The following JARID2 variants were observed in gnomAD, a reference collection of about 807,000 sequenced individuals.
JARID2 encodes the protein protein Jumonji.
Under a neutral mutation model 125.6 loss-of-function variants are expected in JARID2, and 21 were observed. That is an observed-to-expected ratio of 0.17 (90% confidence interval 0.12 to 0.24). The LOEUF is 0.24. JARID2 is among the 10% of genes least tolerant of loss of function. The probability of loss-of-function intolerance (pLI) is 1.00; values close to 1 mark genes in which losing one functional copy is unlikely to be tolerated. For synonymous variants in JARID2, 736 were observed against 661.6 expected, an observed-to-expected ratio of 1.11 and a Z score of -1.73; for missense variants, 1,303 against 1,639.6, an observed-to-expected ratio of 0.79 and a Z score of 3.55.
At chr6:15,410,465 C>G (rs1765830355) in intron 3 of JARID2, 100 bp downstream of exon 3, 4 of 1,195,664 alleles carry the variant, frequency 3.3e-6, no homozygotes, top group Non-Finnish European at 4.8e-6. Context: ...TTCACCCAAT[C>G]TCTTGATTTT....
chr6:15,408,738 G>C (rs934317565), intron 2 of JARID2, among the ~76,000 whole-genome samples: 13 of 151,854 alleles, frequency 8.6e-5, no homozygotes, highest in Admixed American at 2.6e-4. Flanking sequence ...ATCCACACTG[G>C]GCATATTTCA....
At chr6:15,320,994 GGGAT>G (rs762562187) in intron 1 of JARID2, among the ~76,000 whole-genome samples, 29 of 152,002 alleles carry the variant, frequency 1.9e-4, no homozygotes, top group Non-Finnish European at 3.8e-4. Flanking sequence ...TTCAAATTTG[GGGAT>G]GGGAGGCGGT....
intron 1 of JARID2, among the ~76,000 whole-genome samples, chr6:15,330,682 T>A (rs144146464): frequency 6.6e-6 from 1 of 152,350 alleles, no homozygotes; most frequent in Non-Finnish European, 1.5e-5. Flanking sequence ...CTTCACAGAA[T>A]GAGTAATGGA....
intron 1 of JARID2, among the ~76,000 whole-genome samples, chr6:15,360,554 C>A (rs1763757605): frequency 6.6e-6 from 1 of 152,116 alleles, no homozygotes. Flanking sequence ...TCAATCATAG[C>A]TCACTGTAAC....
chr6:15,426,933 G>C (rs1766754868), intron 3 of JARID2, among the ~76,000 whole-genome samples: 1 of 152,152 alleles, frequency 6.6e-6, no homozygotes, highest in Non-Finnish European at 1.5e-5. Context: ...GAGTAATGGG[G>C]GGTACATCAG....
At chr6:15,489,599 A>G (rs1391157669) in intron 6 of JARID2, among the ~76,000 whole-genome samples, 8 of 152,262 alleles carry the variant, frequency 5.3e-5, no homozygotes, top group Admixed American at 1.3e-4. Context: ...GAGGAGGAAC[A>G]GAAAGTACTG....
At chr6:15,361,197 T>G (rs1389841897) in intron 1 of JARID2, among the ~76,000 whole-genome samples, 1 of 152,204 alleles carries the variant, frequency 6.6e-6, no homozygotes, top group East Asian at 1.9e-4. Context: ...TGGCCCAGTG[T>G]TGTAAATGTT....
At chr6:15,336,130 T>C (rs1762871761) in intron 1 of JARID2, among the ~76,000 whole-genome samples, 2 of 151,386 alleles carry the variant, frequency 1.3e-5, no homozygotes, top group African/African-American at 4.9e-5. Context: ...AATAAATAAA[T>C]AAAGGCATGG....
At chr6:15,372,188 C>T (rs1353246271) in intron 1 of JARID2, among the ~76,000 whole-genome samples, 3 of 152,122 alleles carry the variant, frequency 2.0e-5, no homozygotes, top group East Asian at 1.9e-4. Flanking sequence ...CATTGAGTCC[C>T]ATGGAAGTTT....
At chr6:15,472,747 TCCA>T (rs1769137438) in intron 5 of JARID2, among the ~76,000 whole-genome samples, 1 of 152,152 alleles carries the variant, frequency 6.6e-6, no homozygotes, top group Non-Finnish European at 1.5e-5. Context: ...CATTCTGTTG[TCCA>T]GAGTCACCAG....
chr6:15,379,738 C>T (rs894054639), intron 2 of JARID2, among the ~76,000 whole-genome samples: 1 of 152,124 alleles, frequency 6.6e-6, no homozygotes, highest in African/African-American at 2.4e-5. Flanking sequence ...ATTTAATCTT[C>T]AGAACAAGCA....
chr6:15,394,703 C>G (rs773716696), intron 2 of JARID2, among the ~76,000 whole-genome samples: 1 of 152,118 alleles, frequency 6.6e-6, no homozygotes, highest in Non-Finnish European at 1.5e-5. Flanking sequence ...GGAATAACAC[C>G]TGTCAAATGG....
chr6:15,357,100 G>A (rs1260873009), intron 1 of JARID2, among the ~76,000 whole-genome samples: 1 of 152,208 alleles, frequency 6.6e-6, no homozygotes. Flanking sequence ...TCAGTGCAGA[G>A]TGAAAGACCA....
At chr6:15,509,054 G>A (rs1158295490) in intron 12 of JARID2, 6 of 1,289,202 alleles carry the variant, frequency 4.7e-6, no homozygotes, top group Admixed American at 4.6e-5. Flanking sequence ...GTGGAGACAC[G>A]CGCGTTATGT....
At chr6:15,413,613 T>G (rs919817353) in intron 3 of JARID2, among the ~76,000 whole-genome samples, 1 of 152,134 alleles carries the variant, frequency 6.6e-6, no homozygotes, top group Non-Finnish European at 1.5e-5. Flanking sequence ...TTTTTTAAGT[T>G]TAGTTTTTAA....
At chr6:15,410,506 A>G in intron 3 of JARID2, 141 bp downstream of exon 3, 2 of 779,076 alleles carry the variant, frequency 2.6e-6, no homozygotes, top group Non-Finnish European at 4.1e-6. Flanking sequence ...GAGGTTTCGT[A>G]TCAAATGCCC....
rs984790658 is a variant in JARID2, at chr6:15,288,664, T to A, written c.45+42080T>A. 3.9e-5 allele frequency among the ~76,000 whole-genome samples: 6 copies of A among 152,378 alleles called. No homozygotes were observed. The East Asian group carries it at 1.2e-3, about 29-fold the overall frequency. Reference sequence around the variant, plus strand: ...TCACACATAGTAAGTGGCCAGTATGTTTCACATGTATTATATCAGTGTGTA... The same window carrying A: ...TCACACATAGTAAGTGGCCAGTATGATTCACATGTATTATATCAGTGTGTA... On this transcript the variant is annotated intron_variant, in intron 1 of 17. Coordinates refer to ENST00000341776, the MANE Select transcript of JARID2 (RefSeq NM_004973.4).
intron 2 of JARID2, among the ~76,000 whole-genome samples, chr6:15,387,315 A>G (rs1204610983): frequency 6.6e-6 from 1 of 152,176 alleles, no homozygotes; most frequent in Non-Finnish European, 1.5e-5. Context: ...TAGTCAGCTC[A>G]GGCTGCCATA....
At chr6:15,283,817 T>C (rs1760885288) in intron 1 of JARID2, among the ~76,000 whole-genome samples, 1 of 151,406 alleles carries the variant, frequency 6.6e-6, no homozygotes, top group Non-Finnish European at 1.5e-5. Context: ...GCCATTCTCC[T>C]GCCTCAGCTT....
Sources: allele counts gnomAD v4.1 joint callset (sites outside exome capture counted in the v4.1 genomes callset), GRCh38; gene constraint gnomAD v4.1.1; transcripts MANE v1.5; gene names NCBI Gene and HGNC (gene_info 2026-07-23, HGNC 2026-07-21).